The following ALK variants were observed in gnomAD, a reference collection of about 807,000 sequenced individuals.
ALK encodes ALK tyrosine kinase receptor.
In ALK, 74 loss-of-function variants were observed where a neutral mutation model predicts 163.1. The ratio of observed to expected loss-of-function variants is 0.45; its 90% CI spans 0.38 to 0.55. ALK has a LOEUF of 0.55. Among genes scored for constraint, ALK ranks in the 20% least tolerant of loss-of-function variants. The pLI is 0.00. For synonymous variants in ALK, 960 were observed against 843.2 expected (o/e 1.14, Z -2.40); for missense variants, 2,063 against 2,105.3 (o/e 0.98, Z 0.39).
At chr2:29,517,467 C>T (rs1480916155) in intron 4 of ALK, among the ~76,000 whole-genome samples, 1 of 152,144 alleles carries the variant, frequency 6.6e-6, no homozygotes, top group South Asian at 2.1e-4. Flanking sequence ...TTAACCAATC[C>T]TCTATGAGGA....
chr2:29,348,007 C>T (rs1361393762), intron 5 of ALK, among the ~76,000 whole-genome samples: 3 of 152,294 alleles, frequency 2.0e-5, no homozygotes, highest in East Asian at 3.9e-4. Context: ...GGTTTTGCTG[C>T]AAGGGACAGC....
chr2:29,859,962 G>T (rs1488378290), intron 1 of ALK, among the ~76,000 whole-genome samples: 1 of 152,166 alleles, frequency 6.6e-6, no homozygotes, highest in Non-Finnish European at 1.5e-5. Context: ...ATGGGAGAAA[G>T]GAGTCAGCAA....
At chr2:29,839,829 T>C (rs1007248864) in intron 1 of ALK, among the ~76,000 whole-genome samples, 2 of 152,174 alleles carry the variant, frequency 1.3e-5, no homozygotes, top group Non-Finnish European at 2.9e-5. Flanking sequence ...GACTTGGTGT[T>C]GTGTCGCTCT....
chr2:29,647,415 T>C (rs1419666211), intron 3 of ALK, among the ~76,000 whole-genome samples: 2 of 152,190 alleles, frequency 1.3e-5, no homozygotes, highest in African/African-American at 4.8e-5. Flanking sequence ...CATCAGCTTC[T>C]CAGTTGACTT....
intron 3 of ALK, among the ~76,000 whole-genome samples, chr2:29,628,835 G>A (rs1234834684): frequency 6.6e-6 from 1 of 152,180 alleles, no homozygotes; most frequent in African/African-American, 2.4e-5. Context: ...AAAAAAAGGA[G>A]AGAGCATAAT....
At chr2:29,639,689 AAG>A (rs1220301230) in intron 3 of ALK, among the ~76,000 whole-genome samples, 1 of 152,230 alleles carries the variant, frequency 6.6e-6, no homozygotes, top group Non-Finnish European at 1.5e-5. Context: ...AGTCAAAGCT[AAG>A]AGAGAAAAAC....
rs56894924 is a variant in ALK, at chr2:29,502,688, AT to A, written c.1154+29226del. ...TTGTGATTAATGAGATGGGGCACATATTTTTTTTTTACTCCGCCTGAAAGCA... is the reference window on the plus strand; with the variant it reads ...TTGTGATTAATGAGATGGGGCACATATTTTTTTTTACTCCGCCTGAAAGCA... On this transcript the variant is annotated intron_variant, in intron 4 of 28. Coordinates refer to ENST00000389048, the MANE Select transcript of ALK (RefSeq NM_004304.5). Among the ~76,000 whole-genome samples the A allele has an allele frequency of 7.9e-3, 1,190 of 149,886 alleles. 6 individuals carry two copies. The highest frequency in any genetic ancestry group is 0.012 in the Non-Finnish European group (802 of 67,276).
At chr2:29,259,945 T>C (rs1011511444) in intron 11 of ALK, among the ~76,000 whole-genome samples, 8 of 152,030 alleles carry the variant, frequency 5.3e-5, no homozygotes, top group African/African-American at 1.9e-4. Flanking sequence ...TTTGGGCACC[T>C]AAGCAAAATA....
chr2:29,655,932 A>G (rs1677171374), intron 3 of ALK, among the ~76,000 whole-genome samples: 2 of 152,154 alleles, frequency 1.3e-5, no homozygotes, highest in South Asian at 4.1e-4. Flanking sequence ...ATAGGAGAAG[A>G]GCTGCTGTGC....
intron 2 of ALK, among the ~76,000 whole-genome samples, chr2:29,711,478 AG>A (rs571721510): frequency 2.0e-5 from 3 of 152,144 alleles, no homozygotes; most frequent in Non-Finnish European, 2.9e-5. Flanking sequence ...GAGCTCCTTG[AG>A]GGAAGCAAAT....
rs371208290 is a variant in ALK, at chr2:29,501,866, C to T, written c.1154+30049G>A. Among the ~76,000 whole-genome samples, 3 of 152,194 alleles carry T rather than the reference C, an allele frequency of 2.0e-5. No individual in the cohort carries two copies. In the East Asian group the frequency reaches 5.8e-4, roughly 29 times the overall value. ...GTCACTCCCCATTCCCTCCTACTCC[C>T]AGCCCTGGGTAGCTACCATTCTACT... On this transcript the variant is annotated intron_variant, in intron 4 of 28. Transcript: ENST00000389048.
At chr2:29,275,918 C>T (rs1665535984) in intron 9 of ALK, among the ~76,000 whole-genome samples, 1 of 152,170 alleles carries the variant, frequency 6.6e-6, no homozygotes, top group African/African-American at 2.4e-5. Flanking sequence ...CTTGGGTGTC[C>T]TGTTTGGGTG....
In ALK at chr2:29,431,935, G is replaced by A. The variant is rs185863812; in HGVS notation, c.1155-48076C>T. 3.6e-3 allele frequency among the ~76,000 whole-genome samples: 543 copies of A among 151,860 alleles called. 4 individuals carry two copies. The highest frequency in any genetic ancestry group is 4.5e-3 in the East Asian group (23 of 5,152). On this transcript the variant is annotated intron_variant, in intron 4 of 28. Coordinates refer to ENST00000389048, the MANE Select transcript of ALK (RefSeq NM_004304.5). ...AGGAGAGAATATCCTGTCCCGTCCC[G>A]TCCCGTCCAGTCCCGTCCCATCCCA... is the stretch of plus-strand genomic sequence containing the variant.
chr2:29,516,497 C>A (rs560657526), intron 4 of ALK, among the ~76,000 whole-genome samples: 1 of 152,160 alleles, frequency 6.6e-6, no homozygotes, highest in Non-Finnish European at 1.5e-5. Flanking sequence ...TCTCTTCTCA[C>A]GGGTACTTTT....
chr2:29,693,202 T>C (rs1678451855), intron 3 of ALK, among the ~76,000 whole-genome samples: 1 of 152,196 alleles, frequency 6.6e-6, no homozygotes, highest in South Asian at 2.1e-4. Flanking sequence ...GCAAGTGTTG[T>C]TGGTTTTGCT....
chr2:29,213,177 ATC>A (rs1400358384), intron 24 of ALK, among the ~76,000 whole-genome samples: 1 of 152,182 alleles, frequency 6.6e-6, no homozygotes, highest in South Asian at 2.1e-4. Flanking sequence ...GAGCCTGATG[ATC>A]TGTTTTACTT....
intron 4 of ALK, among the ~76,000 whole-genome samples, chr2:29,528,935 T>A (rs985697340): frequency 6.6e-6 from 1 of 152,202 alleles, no homozygotes; most frequent in Non-Finnish European, 1.5e-5. Context: ...TGGGCACTCA[T>A]CTGTCTGTCC....
chr2:29,718,650 A>T (rs1383075458), intron 1 of ALK, among the ~76,000 whole-genome samples: 1 of 152,188 alleles, frequency 6.6e-6, no homozygotes, highest in East Asian at 1.9e-4. Context: ...ATGTCACATG[A>T]TATTCACCGT....
At chr2:29,236,017 A>ATTT (rs771017409) in intron 13 of ALK, among the ~76,000 whole-genome samples, 4 of 126,216 alleles carry the variant, frequency 3.2e-5, no homozygotes, top group Non-Finnish European at 6.9e-5. Context: ...TAATTTTTGT[A>ATTT]TTTTTTTTTT....
Sources: gnomAD v4.1 joint callset for allele counts (sites outside exome capture counted in the v4.1 genomes callset) on GRCh38, gnomAD v4.1.1 for gene constraint, MANE v1.5 for transcripts, NCBI Gene and HGNC (gene_info 2026-07-23, HGNC 2026-07-21) for gene names.